Variants in HPSE2 observed in about 807,000 individuals in gnomAD.
HPSE2 encodes inactive heparanase-2.
In HPSE2, 38 loss-of-function variants were observed where a neutral mutation model predicts 60.5. That is an observed-to-expected ratio of 0.63 (90% CI 0.48 to 0.82). The LOEUF is 0.82. HPSE2 is among the 40% of genes least tolerant of loss of function. HPSE2 has a pLI of 0.00. For missense variants in HPSE2, 713 were observed against 740.4 expected (o/e 0.96, Z 0.43); for synonymous variants, 295 against 293.2 (o/e 1.01, Z -0.06).
the HPSE2 span, among the ~76,000 whole-genome samples, chr10:99,274,955 T>C: frequency 6.6e-6 from 1 of 152,242 alleles, no homozygotes; most frequent in Non-Finnish European, 1.5e-5. Flanking sequence ...GGGCACCCTT[T>C]TCCAGTCCAG....
At chr10:98,917,179 A>G (rs1269165103) in intron 3 of HPSE2, among the ~76,000 whole-genome samples, 5 of 152,146 alleles carry the variant, frequency 3.3e-5, no homozygotes, top group Non-Finnish European at 7.4e-5. Context: ...TGACACCCCC[A>G]CTCACTATTA....
chr10:99,014,731 G>A (rs1311980553), intron 3 of HPSE2, among the ~76,000 whole-genome samples: 2 of 151,910 alleles, frequency 1.3e-5, no homozygotes, highest in Non-Finnish European at 2.9e-5. Flanking sequence ...CACGACTGTC[G>A]GTTGCATGTA....
rs564777161 is a variant in HPSE2, at chr10:98,684,740, G to A, written c.1004+9160C>T. ...ACTGTGAAGGTTGCTTCTGGAGTGGGGAAATTTGGAGTGGGAAGGGAGGAG... is the reference window on the plus strand; with the variant it reads ...ACTGTGAAGGTTGCTTCTGGAGTGGAGAAATTTGGAGTGGGAAGGGAGGAG... On this transcript the variant is annotated intron_variant, in intron 6 of 11. Transcript: ENST00000370552. 7.2e-5 allele frequency among the ~76,000 whole-genome samples: 11 copies of A among 152,082 alleles called. No homozygotes were observed. In the East Asian group the frequency reaches 1.9e-3, roughly 27 times the overall value.
intron 6 of HPSE2, among the ~76,000 whole-genome samples, chr10:98,672,679 A>C (rs1027655686): frequency 1.3e-5 from 2 of 152,208 alleles, no homozygotes; most frequent in Non-Finnish European, 2.9e-5. Flanking sequence ...CAAAGCACTC[A>C]GCCCTTTCTC....
chr10:98,692,950 A>G (rs1475073720), intron 6 of HPSE2, among the ~76,000 whole-genome samples: 1 of 152,222 alleles, frequency 6.6e-6, no homozygotes, highest in African/African-American at 2.4e-5. Flanking sequence ...GGGAGAAGCA[A>G]TCTTAATAAA....
intron 2 of HPSE2, among the ~76,000 whole-genome samples, chr10:99,172,482 C>A (rs1341924790): frequency 2.6e-5 from 4 of 152,128 alleles, no homozygotes; most frequent in African/African-American, 9.7e-5. Context: ...ATATTGGACA[C>A]TATATTGGAC....
rs139263026 is a variant in HPSE2, at chr10:99,043,577, C to T, written c.610+100661G>A. On this transcript the variant is annotated intron_variant, in intron 3 of 11. Coordinates refer to ENST00000370552, the MANE Select transcript of HPSE2 (RefSeq NM_021828.5). ...ATTCAGAATCTGGATGGCAAGGAAG[C>T]TCATCAAGATTCAGGAGAAAGTTGA... is the stretch of plus-strand genomic sequence containing the variant. 1.2e-3 allele frequency among the ~76,000 whole-genome samples: 182 copies of T among 152,250 alleles called. No individual in the cohort carries two copies. In the Middle Eastern group the frequency reaches 0.02, roughly 17 times the overall value.
At chr10:99,243,561 G>C in the HPSE2 span, among the ~76,000 whole-genome samples, 1 of 152,188 alleles carries the variant, frequency 6.6e-6, no homozygotes, top group South Asian at 2.1e-4. Flanking sequence ...GTTTTTATAT[G>C]TACTGTTTTC....
intron 11 of HPSE2, among the ~76,000 whole-genome samples, chr10:98,475,420 G>A (rs1035196438): frequency 3.3e-5 from 5 of 152,044 alleles, no homozygotes; most frequent in East Asian, 1.9e-4. Context: ...TGCCCAGCCC[G>A]GGACCATAAT....
At chr10:98,970,404 A>G (rs10883232) in intron 3 of HPSE2, among the ~76,000 whole-genome samples, 92,785 of 152,028 alleles carry the variant, frequency 0.61, 30,049 homozygotes, top group East Asian at 0.77. Flanking sequence ...TTCCAACACC[A>G]GAGACCACAT....
At chr10:98,720,153 GAT>G (rs1418789655) in intron 5 of HPSE2, among the ~76,000 whole-genome samples, 1 of 151,962 alleles carries the variant, frequency 6.6e-6, no homozygotes, top group Non-Finnish European at 1.5e-5. Context: ...AAGAAAATGG[GAT>G]ATGAGGGATA....
chr10:99,210,209 C>T (rs951054042), intron 2 of HPSE2, among the ~76,000 whole-genome samples: 1 of 152,022 alleles, frequency 6.6e-6, no homozygotes, highest in African/African-American at 2.4e-5. Context: ...CACAACCTAC[C>T]AAGACTGAAT....
In HPSE2 at chr10:99,173,691, C is replaced by T. The variant is rs1246114851; in HGVS notation, c.449-29292G>A. On this transcript the variant is annotated intron_variant, in intron 2 of 11. Coordinates refer to ENST00000370552, the MANE Select transcript of HPSE2 (RefSeq NM_021828.5). ...AGGCGCGGTGGCTCAAGCCTGTAAT[C>T]TCAGCACTTTGGGAGGCTAAGGCAG... 2.0e-5 allele frequency among the ~76,000 whole-genome samples: 3 copies of T among 152,242 alleles called. No individual in the cohort carries two copies. The East Asian group carries it at 5.8e-4, about 29-fold the overall frequency.
chr10:98,749,930 C>CTATATATA lies in HPSE2; in HGVS notation c.611-5882_611-5875dup, dbSNP rs771032742. Reference sequence around the variant, plus strand: ...ATATTTTATATATATATATTAAACACTATATATATATATATATACACACAC... The same window carrying CTATATATA: ...ATATTTTATATATATATATTAAACACTATATATATATATATATATATATATACACACAC... On this transcript the variant is annotated intron_variant, in intron 3 of 11. Transcript: ENST00000370552. Among the ~76,000 whole-genome samples the CTATATATA allele has an allele frequency of 5.0e-3, 489 of 96,970 alleles. 8 individuals carry two copies. The highest frequency in any genetic ancestry group is 0.013 in the African/African-American group (392 of 29,106). 63.6% of individuals were successfully genotyped at this position (96,970 alleles called of 152,430 possible).
At chr10:99,087,700 G>A (rs866615349) in intron 3 of HPSE2, among the ~76,000 whole-genome samples, 1 of 152,002 alleles carries the variant, frequency 6.6e-6, no homozygotes, top group African/African-American at 2.4e-5. Context: ...TTGTCCTGAC[G>A]ACTAGCCCAC....
intron 3 of HPSE2, among the ~76,000 whole-genome samples, chr10:99,070,952 A>T (rs939252455): frequency 1.3e-5 from 2 of 152,166 alleles, no homozygotes; most frequent in African/African-American, 2.4e-5. Flanking sequence ...GTTGTTGTGA[A>T]TAATGCTGCA....
At position 98,508,000 on chromosome 10, in the gene HPSE2, G is replaced by A. The variant is rs142745134; in HGVS notation, c.1321-17804C>T. Among the ~76,000 whole-genome samples the A allele has an allele frequency of 5.0e-3, 764 of 151,960 alleles. 9 individuals are homozygous for A. The highest frequency in any genetic ancestry group is 0.017 in the African/African-American group (719 of 41,384). The stretch of plus-strand genomic sequence containing the variant: ...AAAGACATTGCCTAGAAGATGGAAG[G>A]TAATGAAAAGTTTGCAGACAGTAAG... On this transcript the variant is annotated intron_variant, in intron 9 of 11. Coordinates refer to ENST00000370552, the MANE Select transcript of HPSE2 (RefSeq NM_021828.5).
chr10:99,204,110 C>A (rs73337445), intron 2 of HPSE2, among the ~76,000 whole-genome samples: 4,184 of 152,204 alleles, frequency 0.027, 190 homozygotes, highest in African/African-American at 0.095. Context: ...CAGGTCAAGG[C>A]CCACACCAGT....
At chr10:98,658,047 CT>C (rs1222833774) in intron 6 of HPSE2, among the ~76,000 whole-genome samples, 2 of 152,138 alleles carry the variant, frequency 1.3e-5, no homozygotes, top group Non-Finnish European at 2.9e-5. Context: ...AAGTCTGGGA[CT>C]TCACTGCAGG....
Sources: allele counts gnomAD v4.1 joint callset (sites outside exome capture counted in the v4.1 genomes callset), GRCh38; gene constraint gnomAD v4.1.1; transcripts MANE v1.5; gene names NCBI Gene and HGNC (gene_info 2026-07-23, HGNC 2026-07-21).